Variants in MMS22L observed in about 807,000 individuals in gnomAD.
MMS22L encodes the protein protein MMS22-like.
In MMS22L, 74 loss-of-function variants were observed where a neutral mutation model predicts 159.1. The observed-to-expected ratio is 0.47, with a 90% CI of 0.39 to 0.56. MMS22L has a LOEUF of 0.56. Among genes scored for constraint, MMS22L ranks in the 20% least tolerant of loss-of-function variants. MMS22L has a pLI of 0.00. For missense variants in MMS22L, 1,351 were observed against 1,422.1 expected, an observed-to-expected ratio of 0.95 and a Z score of 0.80; for synonymous variants, 517 against 506.9, an observed-to-expected ratio of 1.02 and a Z score of -0.27.
In MMS22L at chr6:97,181,996, C is replaced by T. The variant is rs748836339; in HGVS notation, c.2292G>A (p.Gln764=). 6.2e-6 allele frequency: 10 copies of T among 1,613,656 alleles called. No individual in the cohort carries two copies. The Admixed American group carries it at 1.2e-4, about 19-fold the overall frequency. ...PSTAPSDFQP[Q]PVISIIQLFG... ...AAAGTTGAATAATTGATATAACTGG[C>T]TGAGGCTGAAAATCTGATGGAGCTG... Residue 764 remains glutamine (Q), a synonymous_variant, in exon 16 of 25, where the codon CAG becomes CAA. Coordinates refer to ENST00000683635, the MANE Select transcript of MMS22L (RefSeq NM_001350599.2).
intron 14 of MMS22L, among the ~76,000 whole-genome samples, chr6:97,220,037 T>G (rs1427605786): frequency 1.3e-5 from 2 of 152,180 alleles, no homozygotes; most frequent in Non-Finnish European, 2.9e-5. Flanking sequence ...CAACTTAACC[T>G]TTTTCTAAGC....
chr6:97,254,902 T>C (rs1158227461), intron 9 of MMS22L, among the ~76,000 whole-genome samples, 169 bp from the exon 10 acceptor site: 2 of 152,166 alleles, frequency 1.3e-5, no homozygotes, highest in Non-Finnish European at 2.9e-5. Flanking sequence ...AATAGTACTT[T>C]AGAAGTACCT....
At chr6:97,268,024 T>C in intron 7 of MMS22L, 22 bp from the exon 8 acceptor site, 2 of 1,478,832 alleles carry the variant, frequency 1.4e-6, no homozygotes, top group Non-Finnish European at 1.8e-6. Flanking sequence ...ATAAAAATAG[T>C]TTTAAAATAC....
chr6:97,203,416 C>T (rs1807393285), intron 14 of MMS22L, among the ~76,000 whole-genome samples: 1 of 152,152 alleles, frequency 6.6e-6, no homozygotes, highest in African/African-American at 2.4e-5. Flanking sequence ...CACAATTCTA[C>T]AACATGCTGA....
At chr6:97,259,399 G>A (rs1414215897) in intron 9 of MMS22L, 2 of 152,178 alleles carry the variant, frequency 1.3e-5, no homozygotes, top group African/African-American at 4.8e-5. Context: ...GCTGAGTAAA[G>A]AGATGGCCCT....
At chr6:97,272,356 TAAAG>T (rs770342771) in intron 6 of MMS22L, 39 of 162,630 alleles carry the variant, frequency 2.4e-4, no homozygotes, top group Admixed American at 6.3e-4. Context: ...TTTCAGAAAA[TAAAG>T]ATTATTTCAT....
In MMS22L at chr6:97,171,393, T is replaced by C. The variant is rs555242942; in HGVS notation, c.2839+1670A>G. ...GGCAATGTGGGAAAAGTGGGGAAAT[T>C]TGCACTTGGCACCAAAGGGTCATGA... On this transcript the variant is annotated intron_variant, in intron 19 of 24. Coordinates refer to ENST00000683635, the MANE Select transcript of MMS22L (RefSeq NM_001350599.2). Among the ~76,000 whole-genome samples the C allele has an allele frequency of 6.6e-5, 10 of 152,182 alleles. No individual in the cohort carries two copies. In the South Asian group the frequency reaches 2.1e-3, roughly 32 times the overall value.
chr6:97,252,829 G>C (rs1813387239), intron 10 of MMS22L, among the ~76,000 whole-genome samples: 1 of 152,032 alleles, frequency 6.6e-6, no homozygotes, highest in African/African-American at 2.4e-5. Context: ...AAATGCAAAT[G>C]CTTATATTAC....
In MMS22L at chr6:97,229,151, T is replaced by G; in HGVS notation, c.1782A>C (p.Lys594Asn). 1 of 1,613,976 alleles carries G rather than the reference T, an allele frequency of 6.2e-7. No individual in the cohort carries two copies. The highest frequency in any genetic ancestry group is 8.5e-7 in the Non-Finnish European group (1 of 1,179,970). ...CTTTCTCCCGGAAAGCACATGAAAA[T>G]TTCTCAGCCAAAACACCAATGTCCA... is the stretch of plus-strand genomic sequence containing the variant. ...KNLDIGVLAEKFSCAFREKAK... is the reference protein window; with the variant it reads ...KNLDIGVLAENFSCAFREKAK... Residue 594 changes from lysine (K) to asparagine (N), a missense_variant, in exon 14 of 25, where the codon AAA becomes AAC. Coordinates refer to ENST00000683635, the MANE Select transcript of MMS22L (RefSeq NM_001350599.2).
intron 22 of MMS22L, among the ~76,000 whole-genome samples, chr6:97,155,999 C>T (rs984391686): frequency 1.3e-5 from 2 of 152,156 alleles, no homozygotes; most frequent in Non-Finnish European, 2.9e-5. Flanking sequence ...TCTGTTGTTT[C>T]CTGACTTTTT....
chr6:97,260,420 C>A (rs1814335698), intron 9 of MMS22L: 1 of 152,050 alleles, frequency 6.6e-6, no homozygotes, highest in Admixed American at 6.6e-5. Flanking sequence ...ATTAAATTTT[C>A]ATTTAAGTCT....
intron 14 of MMS22L, among the ~76,000 whole-genome samples, chr6:97,212,827 G>T (rs1036543074): frequency 2.6e-5 from 4 of 152,278 alleles, no homozygotes; most frequent in Non-Finnish European, 4.4e-5. Flanking sequence ...TTTGACAATG[G>T]ATATATTAAT....
chr6:97,275,863 C>T (rs1192636460), intron 4 of MMS22L, among the ~76,000 whole-genome samples: 1 of 152,042 alleles, frequency 6.6e-6, no homozygotes, highest in Admixed American at 6.5e-5. Flanking sequence ...TTTAGTCAGG[C>T]ATGATGGCGT....
intron 9 of MMS22L, among the ~76,000 whole-genome samples, chr6:97,262,247 C>T (rs1212011087): frequency 1.3e-5 from 2 of 152,018 alleles, no homozygotes; most frequent in African/African-American, 4.8e-5. Flanking sequence ...AATTTTTTTA[C>T]TCAATAAACA....
At chr6:97,278,797 T>C (rs1582881610) in intron 4 of MMS22L, 52 bp downstream of exon 4, 6 of 1,478,246 alleles carry the variant, frequency 4.1e-6, no homozygotes, top group Non-Finnish European at 4.7e-6. Context: ...CATGTGCAAC[T>C]CACTATAATG....
chr6:97,231,875 T>C (rs1180062741), intron 12 of MMS22L, among the ~76,000 whole-genome samples: 1 of 152,154 alleles, frequency 6.6e-6, no homozygotes, highest in Non-Finnish European at 1.5e-5. Flanking sequence ...TAACAGTTGA[T>C]TTGTCCAAAT....
chr6:97,260,286 T>C (rs1172319742), intron 9 of MMS22L: 2 of 152,206 alleles, frequency 1.3e-5, no homozygotes, highest in African/African-American at 4.8e-5. Flanking sequence ...TCTCTAGGGA[T>C]TGCATTTATA....
At chr6:97,182,107 T>C in intron 15 of MMS22L, 53 bp from the exon 16 acceptor site, 1 of 1,492,100 alleles carries the variant, frequency 6.7e-7, no homozygotes, top group Non-Finnish European at 9.1e-7. Flanking sequence ...AAACCATTTC[T>C]GACCCACACA....
intron 18 of MMS22L, among the ~76,000 whole-genome samples, chr6:97,178,112 T>A (rs1164338638): frequency 6.6e-6 from 1 of 152,148 alleles, no homozygotes; most frequent in Non-Finnish European, 1.5e-5. Flanking sequence ...TACAAGGATA[T>A]TCAGTTCCCA....
Sources: allele counts gnomAD v4.1 joint callset (sites outside exome capture counted in the v4.1 genomes callset), GRCh38; gene constraint gnomAD v4.1.1; transcripts MANE v1.5; gene names NCBI Gene and HGNC (gene_info 2026-07-23, HGNC 2026-07-21).